PIAS1: variants seen among roughly 807,000 people sequenced by gnomAD.
PIAS1 encodes the protein E3 SUMO-protein ligase PIAS1.
Under a neutral mutation model 71.3 loss-of-function variants are expected in PIAS1, and 6 were observed. That is an observed-to-expected ratio of 0.08 (90% CI 0.05 to 0.17). The LOEUF is 0.17. Ranked by LOEUF, PIAS1 falls within the 10% of genes least tolerant of loss-of-function variation. The pLI is 1.00. For missense variants in PIAS1, 555 were observed against 793.6 expected (o/e 0.70, Z 3.61); for synonymous variants, 303 against 292.9 (o/e 1.03, Z -0.35).
Position 68,132,983 on chromosome 15 carries a change from C to CT in PIAS1, c.470-8952dup, listed in dbSNP as rs893517412. Among the ~76,000 whole-genome samples, 298 of 142,954 alleles carry CT rather than the reference C, an allele frequency of 2.1e-3. 1 individual carries two copies. Among genetic ancestry groups the CT allele is most frequent in the African/African-American group, 5.0e-3 (195 of 39,258 alleles). The allele number at this position is 142,954 out of a possible 152,430, so 93.8% of individuals were successfully genotyped here. A position where few individuals can be genotyped will look rare whatever the true frequency, so the allele number is the denominator to read the frequency against. The stretch of plus-strand genomic sequence containing the variant: ...TATCCTTCTGGTTTTCTTTTCTTTT[C>CT]TTTTTTTTTTTCCGAAAAAAGCCAG... On this transcript the variant is annotated intron_variant, in intron 2 of 13. Coordinates refer to ENST00000249636, the MANE Select transcript of PIAS1 (RefSeq NM_016166.3).
At position 68,084,066 on chromosome 15, in the gene PIAS1, C is replaced by T. The variant is rs553140832; in HGVS notation, c.25-2240C>T. Among the ~76,000 whole-genome samples the T allele has an allele frequency of 8.5e-5, 13 of 152,176 alleles. No individual in the cohort carries two copies. In the South Asian group the frequency reaches 2.7e-3, roughly 32 times the overall value. ...AAGCAAGAGATTTTATGAGAAATGT[C>T]AACATATTCTTCTACAAAAATAGGA... is the stretch of plus-strand genomic sequence containing the variant. On this transcript the variant is annotated intron_variant, in intron 1 of 13. Transcript: ENST00000249636.
At chr15:68,146,833 C>T in intron 6 of PIAS1, 133 bp downstream of exon 6, 2 of 732,522 alleles carry the variant, frequency 2.7e-6, no homozygotes, top group Non-Finnish European at 4.6e-6. Flanking sequence ...AATGAATTTT[C>T]AACATGTTTC....
chr15:68,064,576 T>C (rs1337983185), intron 1 of PIAS1, among the ~76,000 whole-genome samples: 5 of 152,274 alleles, frequency 3.3e-5, no homozygotes, highest in African/African-American at 1.2e-4. Flanking sequence ...TTCAGATTCC[T>C]GCGTTGCAGC....
chr15:68,114,820 C>T (rs1236922223), intron 2 of PIAS1, among the ~76,000 whole-genome samples: 1 of 151,778 alleles, frequency 6.6e-6, no homozygotes, highest in Non-Finnish European at 1.5e-5. Context: ...CTCTGTGGAA[C>T]AATATAAAAG....
At chr15:68,163,494 A>T (rs1399497627) in intron 7 of PIAS1, among the ~76,000 whole-genome samples, 3 of 152,112 alleles carry the variant, frequency 2.0e-5, no homozygotes, top group African/African-American at 7.2e-5. Context: ...CCCTCTTTTC[A>T]TTCTGATTCA....
At chr15:68,133,294 G>A (rs561595228) in intron 2 of PIAS1, among the ~76,000 whole-genome samples, 25 of 152,144 alleles carry the variant, frequency 1.6e-4, no homozygotes, top group African/African-American at 3.4e-4. Context: ...GGACACAGGT[G>A]CAATAGTCCA....
intron 4 of PIAS1, among the ~76,000 whole-genome samples, chr15:68,144,913 C>T (rs149404595): frequency 2.0e-5 from 3 of 152,142 alleles, no homozygotes; most frequent in Admixed American, 6.6e-5. Flanking sequence ...GACCCCATAC[C>T]GCAGGTGTTG....
chr15:68,126,646 T>C (rs2092652492), intron 2 of PIAS1, among the ~76,000 whole-genome samples: 1 of 151,962 alleles, frequency 6.6e-6, no homozygotes, highest in Non-Finnish European at 1.5e-5. Flanking sequence ...TTTCACCATG[T>C]TGGCCTGACC....
intron 8 of PIAS1, among the ~76,000 whole-genome samples, chr15:68,170,486 C>T (rs755323409): frequency 2.0e-5 from 3 of 152,036 alleles, no homozygotes; most frequent in African/African-American, 7.2e-5. Flanking sequence ...ATGGAGCTTA[C>T]GGGACTGGAA....
At chr15:68,162,868 GAGA>G (rs1215559405) in intron 7 of PIAS1, among the ~76,000 whole-genome samples, 2 of 152,200 alleles carry the variant, frequency 1.3e-5, no homozygotes, top group Non-Finnish European at 2.9e-5. Flanking sequence ...CCAAAGGCAG[GAGA>G]AGAAGGGTAT....
chr15:68,078,501 G>C (rs970196913), intron 1 of PIAS1, among the ~76,000 whole-genome samples: 12 of 152,072 alleles, frequency 7.9e-5, no homozygotes, highest in Admixed American at 4.6e-4. Context: ...TCCACTGCCT[G>C]CTCATGTTAT....
intron 1 of PIAS1, among the ~76,000 whole-genome samples, chr15:68,062,553 G>A (rs781569426): frequency 6.6e-6 from 1 of 152,120 alleles, no homozygotes; most frequent in Non-Finnish European, 1.5e-5. Flanking sequence ...CTTAGCCCTA[G>A]GCGACTGATA....
intron 1 of PIAS1, among the ~76,000 whole-genome samples, chr15:68,078,018 T>G (rs1287871811): frequency 6.6e-6 from 1 of 152,346 alleles, no homozygotes; most frequent in East Asian, 1.9e-4. Flanking sequence ...GTTCATTGTC[T>G]CTTGTCTTAT....
At chr15:68,156,521 A>G (rs60143475) in intron 7 of PIAS1, among the ~76,000 whole-genome samples, 1 of 152,176 alleles carries the variant, frequency 6.6e-6, no homozygotes, top group East Asian at 1.9e-4. Flanking sequence ...AGCCTGACCA[A>G]CATGGTGAAA....
At position 68,090,212 on chromosome 15, in the gene PIAS1, T is replaced by C. The variant is rs77507868; in HGVS notation, c.469+3462T>C. On this transcript the variant is annotated intron_variant, in intron 2 of 13. Coordinates refer to ENST00000249636, the MANE Select transcript of PIAS1 (RefSeq NM_016166.3). ...TATTTAATAATAATAATAATTATTA[T>C]TATTTTTTGAGACAGGGTTTCGCTC... is the stretch of plus-strand genomic sequence containing the variant. 4.8e-3 allele frequency among the ~76,000 whole-genome samples: 733 copies of C among 151,894 alleles called. 6 individuals are homozygous for C. Among genetic ancestry groups the C allele is most frequent in the African/African-American group, 0.016 (676 of 41,426 alleles).
At chr15:68,129,455 T>G (rs72741109) in intron 2 of PIAS1, among the ~76,000 whole-genome samples, 3,428 of 152,124 alleles carry the variant, frequency 0.023, 66 homozygotes, top group Non-Finnish European at 0.032. Context: ...CAGCAGAAAC[T>G]ATAAAAGTTG....
At chr15:68,175,540 CTAGT>C in intron 9 of PIAS1, 93 bp from the exon 10 acceptor site, 1 of 473,870 alleles carries the variant, frequency 2.1e-6, no homozygotes, top group Non-Finnish European at 3.4e-6. Flanking sequence ...AGCTATATTC[CTAGT>C]TAGTACTAGA....
intron 2 of PIAS1, among the ~76,000 whole-genome samples, chr15:68,099,242 T>G (rs1336693991): frequency 6.6e-6 from 1 of 151,322 alleles, no homozygotes. Context: ...TGGGTGACTA[T>G]ATATGTATAT....
At chr15:68,067,906 T>C (rs2092046673) in intron 1 of PIAS1, among the ~76,000 whole-genome samples, 1 of 152,188 alleles carries the variant, frequency 6.6e-6, no homozygotes, top group Admixed American at 6.5e-5. Context: ...ATTTTAAAGG[T>C]GAAAACTAGG....
Sources: allele counts gnomAD v4.1 joint callset (sites outside exome capture counted in the v4.1 genomes callset), GRCh38; gene constraint gnomAD v4.1.1; transcripts MANE v1.5; gene names NCBI Gene and HGNC (gene_info 2026-07-23, HGNC 2026-07-21).